The following DNM3 variants were observed in gnomAD, a reference collection of about 807,000 sequenced individuals.
DNM3 encodes dynamin 3, also known as dynamin-3.
DNM3 carries 47 observed loss-of-function variants against 101.6 expected under a neutral mutation model. The ratio of observed to expected loss-of-function variants is 0.46; its 90% confidence interval spans 0.37 to 0.59. The LOEUF is 0.59. Ranked by LOEUF, DNM3 falls within the 20% of genes least tolerant of loss-of-function variation. The probability of loss-of-function intolerance (pLI) is 0.00; values close to 1 mark genes in which losing one functional copy is unlikely to be tolerated. For missense variants in DNM3, 849 were observed against 1,085.7 expected (o/e 0.78, Z 3.06); for synonymous variants, 385 against 387.9 (o/e 0.99, Z 0.09).
At chr1:172,119,690 A>C (rs1167453760) in intron 13 of DNM3, among the ~76,000 whole-genome samples, 1 of 152,164 alleles carries the variant, frequency 6.6e-6, no homozygotes, top group Non-Finnish European at 1.5e-5. Flanking sequence ...ACATCTTTAC[A>C]GCCAATGATC....
rs569553300 is a variant in DNM3 at position 172,232,711 on chromosome 1, G to A, written c.1660-20862G>A. 1.3e-4 allele frequency among the ~76,000 whole-genome samples: 20 copies of A among 152,174 alleles called. No homozygotes were observed. The East Asian group carries it at 2.7e-3, about 21-fold the overall frequency. ...GTCTCTCAGACCACAGTGCAATCAAGCTAGAACTCAGGATTAAGAAACTCA... is the reference window on the plus strand; with the variant it reads ...GTCTCTCAGACCACAGTGCAATCAAACTAGAACTCAGGATTAAGAAACTCA... On this transcript the variant is annotated intron_variant, in intron 14 of 20. Coordinates refer to ENST00000627582, the MANE Select transcript of DNM3 (RefSeq NM_015569.5).
intron 14 of DNM3, among the ~76,000 whole-genome samples, chr1:172,223,272 CTTTT>C (rs398049746): frequency 7.4e-6 from 1 of 135,578 alleles, no homozygotes; most frequent in African/African-American, 2.7e-5. Context: ...TTTTTCTTTT[CTTTT>C]TTTTTTTTTT....
At chr1:172,132,915 A>G (rs2148091241) in intron 14 of DNM3, 2 of 1,246,146 alleles carry the variant, frequency 1.6e-6, no homozygotes, top group Non-Finnish European at 2.3e-6. Flanking sequence ...GAGGATAACC[A>G]ACTTACCAAA....
At chr1:172,008,797 A>G (rs1317998385) in intron 4 of DNM3, among the ~76,000 whole-genome samples, 4 of 73,322 alleles carry the variant, frequency 5.5e-5, no homozygotes, top group Non-Finnish European at 9.6e-5. Context: ...TAATATATAT[A>G]ATATATAATA....
In DNM3 at chr1:172,409,731, T is replaced by C. The variant is rs1398230715; in HGVS notation, c.*1890T>C. ...CAAATAATCTTCAGTGAGATCTTTT[T>C]ATAAAACTTCTTGTTTTTAGGATTC... On this transcript the variant is annotated 3_prime_UTR_variant, in exon 21 of 21. Coordinates refer to ENST00000627582, the MANE Select transcript of DNM3 (RefSeq NM_015569.5). 3 of 981,420 alleles carry C rather than the reference T, an allele frequency of 3.1e-6. No homozygotes were observed. The highest frequency in any genetic ancestry group is 2.4e-4 in the East Asian group (2 of 8,418). The allele number at this position is 981,420 out of a possible 1,614,324, so 60.8% of individuals were successfully genotyped here.
chr1:172,038,894 G>T (rs2049156255), intron 7 of DNM3, among the ~76,000 whole-genome samples: 1 of 151,152 alleles, frequency 6.6e-6, no homozygotes, highest in African/African-American at 2.4e-5. Context: ...AGTGGAATGA[G>T]AACCAAGGGT....
At chr1:171,874,906 T>C (rs1227820899) in intron 1 of DNM3, among the ~76,000 whole-genome samples, 1 of 151,894 alleles carries the variant, frequency 6.6e-6, no homozygotes, top group South Asian at 2.1e-4. Context: ...CACTTATAAG[T>C]GGGAACGTGC....
At chr1:171,931,882 C>G (rs998998481) in intron 2 of DNM3, among the ~76,000 whole-genome samples, 9 of 152,124 alleles carry the variant, frequency 5.9e-5, no homozygotes, top group Admixed American at 5.2e-4. Flanking sequence ...ACTATTGCCA[C>G]TAGAATTATT....
intron 16 of DNM3, among the ~76,000 whole-genome samples, chr1:172,315,847 A>G (rs1230375532): frequency 1.3e-5 from 2 of 152,212 alleles, no homozygotes; most frequent in African/African-American, 4.8e-5. Context: ...TCCCCAATCT[A>G]GCAAGGCAGG....
chr1:172,243,810 G>T (rs975280727), intron 14 of DNM3, among the ~76,000 whole-genome samples: 4 of 152,122 alleles, frequency 2.6e-5, no homozygotes, highest in Admixed American at 2.6e-4. Context: ...CAAATAAAAA[G>T]ATGCATAGTT....
intron 1 of DNM3, among the ~76,000 whole-genome samples, chr1:171,916,869 A>G (rs1424750121): frequency 6.6e-6 from 1 of 152,088 alleles, no homozygotes; most frequent in African/African-American, 2.4e-5. Context: ...TAATGTTTAC[A>G]GTTCTGTGAT....
At chr1:172,264,122 A>ATG (rs1479325264) in intron 15 of DNM3, among the ~76,000 whole-genome samples, 1 of 152,212 alleles carries the variant, frequency 6.6e-6, no homozygotes, top group African/African-American at 2.4e-5. Context: ...GCATGAATTG[A>ATG]TGTAGAGGAC....
intron 15 of DNM3, among the ~76,000 whole-genome samples, chr1:172,295,124 A>G (rs2064104139): frequency 6.6e-6 from 1 of 152,148 alleles, no homozygotes; most frequent in Non-Finnish European, 1.5e-5. Flanking sequence ...GCCCTGATTA[A>G]GAAAAATGAG....
intron 13 of DNM3, among the ~76,000 whole-genome samples, chr1:172,119,069 C>G (rs2056124905): frequency 6.6e-6 from 1 of 151,724 alleles, no homozygotes; most frequent in Non-Finnish European, 1.5e-5. Flanking sequence ...CTTGGCTCAC[C>G]ACAACCTCCG....
intron 15 of DNM3, among the ~76,000 whole-genome samples, chr1:172,282,487 T>G (rs952859064): frequency 1.3e-5 from 2 of 152,120 alleles, no homozygotes; most frequent in Admixed American, 1.3e-4. Flanking sequence ...AGGGTTTGAA[T>G]TTCTCTATCT....
chr1:172,032,631 T>G (rs2048699594), intron 5 of DNM3, 131 bp downstream of exon 5: 1 of 509,982 alleles, frequency 2.0e-6, no homozygotes, highest in Non-Finnish European at 3.4e-6. Flanking sequence ...AAGGAATGGA[T>G]TTATTATTAG....
chr1:172,399,250 A>G (rs1312704765), intron 20 of DNM3, among the ~76,000 whole-genome samples: 1 of 152,242 alleles, frequency 6.6e-6, no homozygotes, highest in African/African-American at 2.4e-5. Flanking sequence ...GCCGCTGAGT[A>G]GAAGCGACTG....
At chr1:172,402,080 T>C (rs1356476301) in intron 20 of DNM3, among the ~76,000 whole-genome samples, 2 of 152,060 alleles carry the variant, frequency 1.3e-5, no homozygotes, top group Non-Finnish European at 2.9e-5. Context: ...GCAGGTGCTG[T>C]GGAAAGCTGC....
intron 17 of DNM3, among the ~76,000 whole-genome samples, chr1:172,369,519 A>C (rs2149032978): frequency 6.6e-6 from 1 of 152,134 alleles, no homozygotes; most frequent in African/African-American, 2.4e-5. Flanking sequence ...ATCATACTAA[A>C]CAAGGAAAAT....
Sources: gnomAD v4.1 joint callset for allele counts (sites outside exome capture counted in the v4.1 genomes callset) on GRCh38, gnomAD v4.1.1 for gene constraint, MANE v1.5 for transcripts, NCBI Gene and HGNC (gene_info 2026-07-23, HGNC 2026-07-21) for gene names.